The following ASB13 variants were observed in gnomAD, a reference collection of about 807,000 sequenced individuals.
The protein encoded by ASB13 is ankyrin repeat and SOCS box containing 13.
In ASB13, 33 loss-of-function variants were observed where a neutral mutation model predicts 28.8. That is an observed-to-expected ratio of 1.15 (90% CI 0.87 to 1.53). ASB13 has a LOEUF of 1.53. ASB13 is among the 40% of genes most tolerant of loss of function. The pLI, the probability that ASB13 is intolerant of heterozygous loss-of-function variation, is 0.00. For missense variants in ASB13, 414 were observed against 390.1 expected, an observed-to-expected ratio of 1.06 and a Z score of -0.52; for synonymous variants, 182 against 172.9, an observed-to-expected ratio of 1.05 and a Z score of -0.41.
rs928071606 is a variant in ASB13, at chr10:5,641,113, G to A, written c.710-283C>T. The stretch of plus-strand genomic sequence containing the variant: ...TTGTTTTTTGAGACAGAAAAAAAGC[G>A]ACAGAGGCAAGAATCTCTTACTCTG... On this transcript the variant is annotated intron_variant, in intron 5 of 5. Transcript: ENST00000357700. The surrounding 1 kb of genome is among the most constrained non-coding windows in gnomAD (Gnocchi z 8.4). Among the ~76,000 whole-genome samples, 15 of 152,068 alleles carry A rather than the reference G, an allele frequency of 9.9e-5. No individual in the cohort carries two copies. The highest frequency in any genetic ancestry group is 5.8e-4 in the East Asian group (3 of 5,162).
At position 5,642,887 on chromosome 10, in the gene ASB13, G is replaced by C. The variant is rs114947886; in HGVS notation, c.518-926C>G. Among the ~76,000 whole-genome samples the C allele has an allele frequency of 5.7e-3, 864 of 152,050 alleles. 5 individuals are homozygous for C. The highest frequency in any genetic ancestry group is 0.02 in the African/African-American group (827 of 41,468). On this transcript the variant is annotated intron_variant, in intron 4 of 5. Coordinates refer to ENST00000357700, the MANE Select transcript of ASB13 (RefSeq NM_024701.4). The surrounding 1 kb of genome is among the most constrained non-coding windows in gnomAD (Gnocchi z 4.1). ...CTCGAACTCCTGGCTACGGGCATGA[G>C]CCACCACACCTGGTCACATATGGCA...
At position 5,651,963 on chromosome 10, in the gene ASB13, C is replaced by A. The variant is rs1238609488; in HGVS notation, c.232-600G>T. Among the ~76,000 whole-genome samples the A allele has an allele frequency of 7.0e-6, 1 of 143,334 alleles. No homozygotes were observed. Among genetic ancestry groups the A allele is most frequent in the Non-Finnish European group, 1.5e-5 (1 of 66,382 alleles). 94.0% of individuals were successfully genotyped at this position (143,334 alleles called of 152,430 possible). On this transcript the variant is annotated intron_variant, in intron 2 of 5. Coordinates refer to ENST00000357700, the MANE Select transcript of ASB13 (RefSeq NM_024701.4). The surrounding 1 kb of genome is among the most constrained non-coding windows in gnomAD (Gnocchi z 5.1). ...GTTGCAGTGAGCTATGATCACGCCA[C>A]TGCATTCCAGCCTAGGCGACAGAGA...
At chr10:5,653,236 G>C (rs1835018144) in intron 1 of ASB13, among the ~76,000 whole-genome samples, 186 bp from the exon 2 acceptor site, 1 of 152,184 alleles carries the variant, frequency 6.6e-6, no homozygotes, top group Admixed American at 6.5e-5. Flanking sequence ...AAGCTCCTGG[G>C]CAAGGCCTAC....
At position 5,660,730 on chromosome 10, in the gene ASB13, C is replaced by T. The variant is rs1204831581; in HGVS notation, c.43+5779G>A. Among the ~76,000 whole-genome samples, 3 of 152,230 alleles carry T rather than the reference C, an allele frequency of 2.0e-5. No individual in the cohort carries two copies. The highest frequency in any genetic ancestry group is 7.2e-5 in the African/African-American group (3 of 41,468). Reference sequence around the variant, plus strand: ...AGGGCAGGTGCGGGTTCTACCATCTCATCTTTGTTCCATAGCAAGCCCCCC... The same window carrying T: ...AGGGCAGGTGCGGGTTCTACCATCTTATCTTTGTTCCATAGCAAGCCCCCC... On this transcript the variant is annotated intron_variant, in intron 1 of 5. Coordinates refer to ENST00000357700, the MANE Select transcript of ASB13 (RefSeq NM_024701.4). The surrounding 1 kb of genome is among the most constrained non-coding windows in gnomAD (Gnocchi z 6.1).
At position 5,651,505 on chromosome 10, in the gene ASB13, T is replaced by A; in HGVS notation, c.232-142A>T. On this transcript the variant is annotated intron_variant, in intron 2 of 5. Coordinates refer to ENST00000357700, the MANE Select transcript of ASB13 (RefSeq NM_024701.4). The surrounding 1 kb of genome is among the most constrained non-coding windows in gnomAD (Gnocchi z 5.1). ...GCTATTATGTGCTAGGCAACGACAC[T>A]GAAAGAGATAGCACGTGGCTGCGGA... The A allele has an allele frequency of 1.1e-6, 1 of 919,676 alleles. No individual in the cohort carries two copies. Among genetic ancestry groups the A allele is most frequent in the Non-Finnish European group, 1.6e-6 (1 of 628,220 alleles). The allele number at this position is 919,676 out of a possible 1,614,324, so 57.0% of individuals were successfully genotyped here.
chr10:5,661,842 G>A lies in ASB13; in HGVS notation c.43+4667C>T, dbSNP rs1183112465. Reference sequence around the variant, plus strand: ...TTGCTGGAGTCAGAAATTTTGTTCCGAGTAAATCACCAAGGGGAGTCTGGG... The same window carrying A: ...TTGCTGGAGTCAGAAATTTTGTTCCAAGTAAATCACCAAGGGGAGTCTGGG... On this transcript the variant is annotated intron_variant, in intron 1 of 5. Coordinates refer to ENST00000357700, the MANE Select transcript of ASB13 (RefSeq NM_024701.4). The surrounding 1 kb of genome is among the most constrained non-coding windows in gnomAD (Gnocchi z 4.9). Among the ~76,000 whole-genome samples, 1 of 152,150 alleles carries A rather than the reference G, an allele frequency of 6.6e-6. No individual in the cohort carries two copies. Among genetic ancestry groups the A allele is most frequent in the African/African-American group, 2.4e-5 (1 of 41,436 alleles).
chr10:5,653,981 T>C (rs1391030337), intron 1 of ASB13, among the ~76,000 whole-genome samples: 1 of 151,846 alleles, frequency 6.6e-6, no homozygotes, highest in African/African-American at 2.4e-5. Flanking sequence ...CACGCCCAGC[T>C]CTTTTATTTC....
rs1428467666 is a variant in ASB13 at position 5,652,493 on chromosome 10, C to CT, written c.231+369dup. Among the ~76,000 whole-genome samples, 4 of 152,232 alleles carry CT rather than the reference C, an allele frequency of 2.6e-5. No individual in the cohort carries two copies. Among genetic ancestry groups the CT allele is most frequent in the African/African-American group, 9.6e-5 (4 of 41,460 alleles). ...TTTGTTCCTTTTTTCAGAGAGCTGGCTGGCCAGCATCCCACTGAGTTATCC... is the reference window on the plus strand; with the variant it reads ...TTTGTTCCTTTTTTCAGAGAGCTGGCTTGGCCAGCATCCCACTGAGTTATCC... On this transcript the variant is annotated intron_variant, in intron 2 of 5. Transcript: ENST00000357700. This position sits in a 1 kb window ranked among gnomAD's most constrained non-coding sequence, Gnocchi z 5.0.
chr10:5,651,099 A>G lies in ASB13; in HGVS notation c.382+114T>C, dbSNP rs1834976513. The G allele has an allele frequency of 4.4e-6, 6 of 1,354,382 alleles. No homozygotes were observed. In the South Asian group the frequency reaches 9.1e-5, roughly 20 times the overall value. 83.9% of individuals were successfully genotyped at this position (1,354,382 alleles called of 1,614,324 possible). A position where few individuals can be genotyped will look rare whatever the true frequency, so the allele number is the denominator to read the frequency against. ...AACAGACTCAGAACTCTCCTTCACC[A>G]GCCAAGGGCTCCCAATTCTGTCTAC... On this transcript the variant is annotated intron_variant, in intron 3 of 5. Coordinates refer to ENST00000357700, the MANE Select transcript of ASB13 (RefSeq NM_024701.4). This position sits in a 1 kb window ranked among gnomAD's most constrained non-coding sequence, Gnocchi z 5.1.
rs765237723 is a variant in ASB13 at position 5,641,870 on chromosome 10, C to T, written c.609G>A (p.Glu203=). The T allele has an allele frequency of 3.1e-5, 50 of 1,614,158 alleles. No homozygotes were observed. The highest frequency in any genetic ancestry group is 4.1e-5 in the Non-Finnish European group (48 of 1,180,012). The change falls in exon 5 of 6, where the codon GAG becomes GAA. Residue 203 remains glutamate, a synonymous_variant. Coordinates refer to ENST00000357700, the MANE Select transcript of ASB13 (RefSeq NM_024701.4). This position sits in a 1 kb window ranked among gnomAD's most constrained non-coding sequence, Gnocchi z 8.4. ...CCCGGGCGTAGATGTTGCCGCCAAA[C>T]TCGATAAGCATCTCGATGAGGTCAA... is the stretch of plus-strand genomic sequence containing the variant. ...KNVDLIEMLI[E]FGGNIYARDN...
rs552917864 is a variant in ASB13, at chr10:5,650,943, A to G, written c.382+270T>C. ...TCTGCAGAGTCCCCCAGGCCCTGCT[A>G]ACGTGGAGAGGCCCAGGGAACCCTG... On this transcript the variant is annotated intron_variant, in intron 3 of 5. Transcript: ENST00000357700. This position sits in a 1 kb window ranked among gnomAD's most constrained non-coding sequence, Gnocchi z 6.0. Among the ~76,000 whole-genome samples the G allele has an allele frequency of 1.3e-5, 2 of 152,298 alleles. No individual in the cohort carries two copies. The highest frequency in any genetic ancestry group is 4.1e-4 in the South Asian group (2 of 4,830).
At position 5,651,016 on chromosome 10, in the gene ASB13, C is replaced by T. The variant is rs779877123; in HGVS notation, c.382+197G>A. 1.1e-4 allele frequency among the ~76,000 whole-genome samples: 17 copies of T among 152,282 alleles called. No individual in the cohort carries two copies. Among genetic ancestry groups the T allele is most frequent in the East Asian group, 5.8e-4 (3 of 5,182 alleles). ...TAGAGTCACCCACCCCAGCCCTGGA[C>T]GAAGACCTCAAGAAGGGAAAGCTTA... is the stretch of plus-strand genomic sequence containing the variant. On this transcript the variant is annotated intron_variant, in intron 3 of 5. Transcript: ENST00000357700. This position sits in a 1 kb window ranked among gnomAD's most constrained non-coding sequence, Gnocchi z 5.1.
chr10:5,665,894 AAG>A (rs1016136336), intron 1 of ASB13, among the ~76,000 whole-genome samples: 3 of 152,140 alleles, frequency 2.0e-5, no homozygotes. Context: ...TGCTTCCCCA[AAG>A]AGTGTCCTTC....
Position 5,658,797 on chromosome 10 carries a change from C to T in ASB13, c.44-5747G>A, listed in dbSNP as rs111452993. Among the ~76,000 whole-genome samples, 15 of 152,256 alleles carry T rather than the reference C, an allele frequency of 9.9e-5. No individual in the cohort carries two copies. The highest frequency in any genetic ancestry group is 2.1e-4 in the South Asian group (1 of 4,824). On this transcript the variant is annotated intron_variant, in intron 1 of 5. Transcript: ENST00000357700. This position sits in a 1 kb window ranked among gnomAD's most constrained non-coding sequence, Gnocchi z 4.2. ...CCTAGAGCATGGGGGGACTGTCACCCGCAGGCTGTCCTCATAGGAGATTTA... is the reference window on the plus strand; with the variant it reads ...CCTAGAGCATGGGGGGACTGTCACCTGCAGGCTGTCCTCATAGGAGATTTA...
rs776277096 is a variant in ASB13 at position 5,660,489 on chromosome 10, A to G, written c.43+6020T>C. ...GGGTCAGCCTACCCTCAGGGAGCAG[A>G]CTCTACAGGGGCAAGCTGCAGGAAC... On this transcript the variant is annotated intron_variant, in intron 1 of 5. Transcript: ENST00000357700. The surrounding 1 kb of genome is among the most constrained non-coding windows in gnomAD (Gnocchi z 6.1). Among the ~76,000 whole-genome samples, 10 of 151,926 alleles carry G rather than the reference A, an allele frequency of 6.6e-5. No homozygotes were observed. Among genetic ancestry groups the G allele is most frequent in the Non-Finnish European group, 1.0e-4 (7 of 67,982 alleles).
chr10:5,655,696 T>C lies in ASB13; in HGVS notation c.44-2646A>G, dbSNP rs1427622057. On this transcript the variant is annotated intron_variant, in intron 1 of 5. Coordinates refer to ENST00000357700, the MANE Select transcript of ASB13 (RefSeq NM_024701.4). This position sits in a 1 kb window ranked among gnomAD's most constrained non-coding sequence, Gnocchi z 6.2. Reference sequence around the variant, plus strand: ...AGTAATGAACAGTAACCCACTGCCCTCCTGAGGTTAGTGAGAAGTGGCTTA... The same window carrying C: ...AGTAATGAACAGTAACCCACTGCCCCCCTGAGGTTAGTGAGAAGTGGCTTA... Among the ~76,000 whole-genome samples the C allele has an allele frequency of 2.0e-5, 3 of 152,164 alleles. No individual in the cohort carries two copies. Among genetic ancestry groups the C allele is most frequent in the Non-Finnish European group, 4.4e-5 (3 of 68,022 alleles).
rs550705125 is a variant in ASB13 at position 5,639,067 on chromosome 10, G to C, written c.*1636C>G. The C allele has an allele frequency of 2.0e-5, 3 of 152,690 alleles. No individual in the cohort carries two copies. The highest frequency in any genetic ancestry group is 7.2e-5 in the African/African-American group (3 of 41,528). 9.5% of individuals were successfully genotyped at this position (152,690 alleles called of 1,614,324 possible). ...GACTGATCCAGAACTGGTAACTAAG[G>C]CGGTGATCAAACAGGAATGCTTTTC... is the stretch of plus-strand genomic sequence containing the variant. On this transcript the variant is annotated 3_prime_UTR_variant, in exon 6 of 6. Coordinates refer to ENST00000357700, the MANE Select transcript of ASB13 (RefSeq NM_024701.4).
In ASB13 at chr10:5,650,201, T is replaced by C. The variant is rs1834962764; in HGVS notation, c.382+1012A>G. ...ACCATCCCACTCCACCAGCCTACTC[T>C]GAGCACTGGGCACCTTGATCTCAGC... On this transcript the variant is annotated intron_variant, in intron 3 of 5. Coordinates refer to ENST00000357700, the MANE Select transcript of ASB13 (RefSeq NM_024701.4). The surrounding 1 kb of genome is among the most constrained non-coding windows in gnomAD (Gnocchi z 6.0). Among the ~76,000 whole-genome samples the C allele has an allele frequency of 6.6e-6, 1 of 152,182 alleles. No homozygotes were observed. The highest frequency in any genetic ancestry group is 1.5e-5 in the Non-Finnish European group (1 of 68,022).
At chr10:5,654,080 C>A (rs1344286681) in intron 1 of ASB13, among the ~76,000 whole-genome samples, 2 of 150,896 alleles carry the variant, frequency 1.3e-5, no homozygotes, top group Non-Finnish European at 2.9e-5. Flanking sequence ...TGTTTCTAGT[C>A]TCGGGGGAGA....
Sources: gnomAD v4.1 joint callset for allele counts (sites outside exome capture counted in the v4.1 genomes callset) on GRCh38, gnomAD v4.1.1 for gene constraint, Gnocchi (gnomAD v3.1) non-coding constraint, MANE v1.5 for transcripts, NCBI Gene and HGNC (gene_info 2026-07-23, HGNC 2026-07-21) for gene names.